Variants in CLASP2 observed in about 807,000 individuals in gnomAD.
CLASP2 encodes CLIP-associating protein 2.
CLASP2 carries 47 observed loss-of-function variants against 194.4 expected under a neutral mutation model. That is an observed-to-expected ratio of 0.24 (90% confidence interval 0.19 to 0.31). The LOEUF (loss-of-function observed/expected upper bound fraction) is 0.31. CLASP2 is among the 10% of genes least tolerant of loss of function. The probability of loss-of-function intolerance (pLI) is 1.00; values close to 1 mark genes in which losing one functional copy is unlikely to be tolerated. For missense variants in CLASP2, 1,445 were observed against 1,823.6 expected (o/e 0.79, Z 3.78); for synonymous variants, 619 against 633.5 (o/e 0.98, Z 0.34).
intron 23 of CLASP2, among the ~76,000 whole-genome samples, chr3:33,579,792 C>T (rs1358020398): frequency 6.6e-6 from 1 of 152,166 alleles, no homozygotes; most frequent in Non-Finnish European, 1.5e-5. Context: ...AGAAAGGTTA[C>T]GTAGCTGGGG....
chr3:33,569,918 G>A (rs1462820293), intron 26 of CLASP2, among the ~76,000 whole-genome samples: 1 of 151,986 alleles, frequency 6.6e-6, no homozygotes, highest in Non-Finnish European at 1.5e-5. Flanking sequence ...AATGAGATGT[G>A]CAACAATAAA....
At chr3:33,708,494 ATATATATATATGTATATATATG>A (rs2092813736) in intron 1 of CLASP2, among the ~76,000 whole-genome samples, 1 of 130,600 alleles carries the variant, frequency 7.7e-6, no homozygotes, top group African/African-American at 3.2e-5. Flanking sequence ...GTGTATGTAT[ATATATATATATGTATATATATG>A]TATATATGTA....
intron 35 of CLASP2, 109 bp downstream of exon 35, chr3:33,516,872 G>C: frequency 1.1e-6 from 1 of 940,718 alleles, no homozygotes; most frequent in Non-Finnish European, 1.6e-6. Flanking sequence ...GAAAGCAGCA[G>C]CAGAAGAGAT....
chr3:33,516,881 A>C, intron 35 of CLASP2, 100 bp downstream of exon 35: 365 of 867,334 alleles, frequency 4.2e-4, no homozygotes, highest in Non-Finnish European at 6.0e-4. Context: ...AGCAGAAGAG[A>C]TTCATTCTCC....
At chr3:33,537,031 A>G (rs773170225) in intron 33 of CLASP2, among the ~76,000 whole-genome samples, 7 of 152,190 alleles carry the variant, frequency 4.6e-5, no homozygotes, top group Non-Finnish European at 5.9e-5. Context: ...ACTTACAACA[A>G]CTTTTAAGGT....
intron 7 of CLASP2, chr3:33,659,103 T>G: frequency 4.7e-6 from 7 of 1,481,110 alleles, no homozygotes; most frequent in Non-Finnish European, 6.3e-6. Context: ...CCCGGAGCAC[T>G]GTGTGACCCA....
In CLASP2 at chr3:33,718,202, G is replaced by C. The variant is rs936805632; in HGVS notation, c.-200C>G. ...AAACTAGTCAAACTCGGCGCCCCCC[G>C]ATCCCCAGCCCGCTTCAGAGGCCGC... On this transcript the variant is annotated 5_prime_UTR_variant, in exon 1 of 39. The change creates a new upstream start codon in the 5' untranslated region. Transcript: ENST00000682230. 2.7e-6 allele frequency: 1 copy of C among 365,690 alleles called. No homozygotes were observed. Among genetic ancestry groups the C allele is most frequent in the Non-Finnish European group, 4.9e-6 (1 of 205,938 alleles). 22.7% of individuals were successfully genotyped at this position (365,690 alleles called of 1,614,324 possible). A position where few individuals can be genotyped will look rare whatever the true frequency, so the allele number is the denominator to read the frequency against.
chr3:33,551,295 A>C lies in CLASP2; in HGVS notation c.3110T>G (p.Val1037Gly). ...TTTGGGTTCTGTTGTCCAAGTGATGACCCGAGACACTGCTAGGCGAGTTTC... is the reference window on the plus strand; with the variant it reads ...TTTGGGTTCTGTTGTCCAAGTGATGCCCCGAGACACTGCTAGGCGAGTTTC... ...SSETRLAVSRVITWTTEPKSS... is the reference protein window; with the variant it reads ...SSETRLAVSRGITWTTEPKSS... Residue 1037 changes from valine to glycine, a missense_variant, in exon 30 of 39, where the codon GTC becomes GGC. Physicochemically the swap from Val to Gly is moderately radical, Grantham distance 109. Transcript: ENST00000682230. 6.2e-7 allele frequency: 1 copy of C among 1,613,632 alleles called. No individual in the cohort carries two copies. Among genetic ancestry groups the C allele is most frequent in the Non-Finnish European group, 8.5e-7 (1 of 1,179,694 alleles).
Position 33,538,853 on chromosome 3 carries a change from A to C in CLASP2, c.3494T>G (p.Phe1165Cys). 6.2e-7 allele frequency: 1 copy of C among 1,605,540 alleles called. No homozygotes were observed. The highest frequency in any genetic ancestry group is 8.5e-7 in the Non-Finnish European group (1 of 1,175,644). ...CTCATTCATATCTTCTTGGCTACGGAAGCTGAAATTCTGGATTGCTTCAGT... is the reference window on the plus strand; with the variant it reads ...CTCATTCATATCTTCTTGGCTACGGCAGCTGAAATTCTGGATTGCTTCAGT... ...GVTEAIQNFS[F>C]RSQEDMNEPL... The change falls in exon 33 of 39, where the codon TTC becomes TGC. Residue 1165 changes from phenylalanine to cysteine, a missense_variant. Phe to Cys is a radical substitution (Grantham distance 205). Around this residue, in one of 4 missense-constraint regions of CLASP2, gnomAD observed 732 missense variants for 987.9 expected, o/e 0.74. Transcript: ENST00000682230.
intron 23 of CLASP2, among the ~76,000 whole-genome samples, chr3:33,580,291 G>C (rs373627568): frequency 6.7e-4 from 102 of 152,318 alleles, no homozygotes; most frequent in Middle Eastern, 6.8e-3. Context: ...GCCAGGTGCA[G>C]TGGATCACAC....
intron 29 of CLASP2, among the ~76,000 whole-genome samples, chr3:33,557,707 A>T (rs1255017961): frequency 6.6e-6 from 1 of 152,258 alleles, no homozygotes; most frequent in African/African-American, 2.4e-5. Flanking sequence ...GAGTTAAAAA[A>T]TATCTATTAA....
At chr3:33,599,066 A>G (rs971781822) in intron 18 of CLASP2, among the ~76,000 whole-genome samples, 2 of 152,110 alleles carry the variant, frequency 1.3e-5, no homozygotes, top group Non-Finnish European at 2.9e-5. Context: ...TCCAAATCGA[A>G]TCTAATCATC....
chr3:33,596,988 G>C (rs2070573666), intron 18 of CLASP2, among the ~76,000 whole-genome samples: 1 of 152,160 alleles, frequency 6.6e-6, no homozygotes, highest in Non-Finnish European at 1.5e-5. Context: ...AAAGAGAAAA[G>C]TTAGTGAGGC....
At chr3:33,662,088 A>G (rs1364214737) in intron 7 of CLASP2, among the ~76,000 whole-genome samples, 2 of 152,144 alleles carry the variant, frequency 1.3e-5, no homozygotes, top group Non-Finnish European at 2.9e-5. Flanking sequence ...CTAACTCCGA[A>G]CCTCCCTGTT....
chr3:33,560,954 C>T lies in CLASP2; in HGVS notation c.2784G>A (p.Leu928=). The T allele has an allele frequency of 1.2e-6, 2 of 1,613,338 alleles. No homozygotes were observed. The highest frequency in any genetic ancestry group is 1.7e-6 in the Non-Finnish European group (2 of 1,179,700). The part of the protein sequence containing the change: ...PHGKRVFSMF[L]ETLVDFIQVH... ...CTTGTATGAAATCCACTAGAGTCTC[C>T]AAAAACATGCTGAATACCTACAGTT... Residue 928 remains leucine, a synonymous_variant, in exon 28 of 39, where the codon TTG becomes TTA. Transcript: ENST00000682230.
At chr3:33,500,191 C>T (rs758201490) in intron 38 of CLASP2, among the ~76,000 whole-genome samples, 4 of 152,024 alleles carry the variant, frequency 2.6e-5, no homozygotes, top group Non-Finnish European at 5.9e-5. Context: ...TGCAACCATG[C>T]TTGGCTAATT....
At chr3:33,588,778 A>G (rs2067998426) in intron 21 of CLASP2, 1 of 700,732 alleles carries the variant, frequency 1.4e-6, no homozygotes, top group Admixed American at 2.0e-5. Context: ...ATAATCCATG[A>G]AGAGGGAAGG....
In CLASP2 at chr3:33,596,948, G is replaced by C. The variant is rs576474539; in HGVS notation, c.1925-214C>G. Among the ~76,000 whole-genome samples the C allele has an allele frequency of 2.6e-5, 4 of 152,290 alleles. No homozygotes were observed. The South Asian group carries it at 8.3e-4, about 32-fold the overall frequency. ...GTACTAAGTAGAGAATTTTTTAAAA[G>C]TTGATAATGAGTCTATTTCACTAGC... On this transcript the variant is annotated intron_variant, in intron 18 of 38. Transcript: ENST00000682230.
chr3:33,498,818 G>GA, intron 38 of CLASP2, 101 bp from the exon 39 acceptor site: 1 of 544,104 alleles, frequency 1.8e-6, no homozygotes, highest in Non-Finnish European at 3.1e-6. Context: ...CTGAAAGATA[G>GA]ATTTTAGGCT....
Sources: gnomAD v4.1 joint callset for allele counts (sites outside exome capture counted in the v4.1 genomes callset) on GRCh38, gnomAD v4.1.1 for gene constraint, gnomAD v4.1.1 regional missense constraint, MANE v1.5 for transcripts, NCBI Gene and HGNC (gene_info 2026-07-23, HGNC 2026-07-21) for gene names.